NIPBL: variants seen among roughly 807,000 people sequenced by gnomAD.
The protein encoded by NIPBL is NIPBL cohesin loading factor.
A neutral mutation model predicts 321.8 loss-of-function variants in NIPBL; 19 were observed. The observed-to-expected ratio is 0.06, with a 90% confidence interval of 0.04 to 0.09. The LOEUF (loss-of-function observed/expected upper bound fraction) is 0.09. Among genes scored for constraint, NIPBL ranks in the 10% least tolerant of loss-of-function variants. NIPBL has a pLI of 1.00. For missense variants in NIPBL, 2,210 were observed against 3,327.0 expected (o/e 0.66, Z 8.26); for synonymous variants, 1,106 against 1,114.1 (o/e 0.99, Z 0.14).
At chr5:36,911,541 T>G (rs924996114) in intron 1 of NIPBL, among the ~76,000 whole-genome samples, 1 of 152,194 alleles carries the variant, frequency 6.6e-6, no homozygotes, top group African/African-American at 2.4e-5. Flanking sequence ...TTTTCTACAT[T>G]GTACTATAAA....
chr5:36,939,313 T>G (rs1419992993), intron 1 of NIPBL, among the ~76,000 whole-genome samples: 2 of 152,182 alleles, frequency 1.3e-5, no homozygotes, highest in Non-Finnish European at 2.9e-5. Flanking sequence ...CTTGGGAGTT[T>G]TCAGCCCCTG....
At chr5:37,041,290 G>A (rs1752336405) in intron 34 of NIPBL, among the ~76,000 whole-genome samples, 3 of 101,312 alleles carry the variant, frequency 3.0e-5, no homozygotes, top group Non-Finnish European at 5.2e-5. Context: ...TTGAGACTGA[G>A]GCTCACACTG....
intron 21 of NIPBL, among the ~76,000 whole-genome samples, chr5:37,014,088 A>T (rs879341803): frequency 3.3e-5 from 5 of 152,268 alleles, no homozygotes; most frequent in Admixed American, 2.6e-4. Flanking sequence ...CGCTCCTGCA[A>T]TCGCAGCTCT....
chr5:37,000,409 C>T lies in NIPBL; in HGVS notation c.3341C>T (p.Ala1114Val). ...CGACATAAAAAAGATGATGATAAAG[C>T]TTGGGAATATGAAGAGCGTGACAGA... ...RKRHKKDDDK[A>V]WEYEERDRRS... The change falls in exon 12 of 47, where the codon GCT becomes GTT. Residue 1114 changes from alanine to valine, a missense_variant. Ala to Val is a moderately conservative substitution (Grantham distance 64, BLOSUM62 0). Around this residue, in one of 14 missense-constraint regions of NIPBL, gnomAD observed 381 missense variants for 642.3 expected, o/e 0.59. Coordinates refer to ENST00000282516, the MANE Select transcript of NIPBL (RefSeq NM_133433.4). 1 of 1,613,112 alleles carries T rather than the reference C, an allele frequency of 6.2e-7. No homozygotes were observed. Among genetic ancestry groups the T allele is most frequent in the Non-Finnish European group, 8.5e-7 (1 of 1,179,416 alleles).
chr5:36,945,286 G>A (rs1305028647), intron 1 of NIPBL, among the ~76,000 whole-genome samples: 3 of 152,070 alleles, frequency 2.0e-5, no homozygotes, highest in African/African-American at 4.8e-5. Context: ...ACAGGCCTCT[G>A]CAAATCCATT....
At chr5:36,972,688 C>G (rs563987841) in intron 8 of NIPBL, among the ~76,000 whole-genome samples, 1 of 152,256 alleles carries the variant, frequency 6.6e-6, no homozygotes, top group Middle Eastern at 3.4e-3. Context: ...ATGGTTTTCA[C>G]TGTTCTTTCT....
rs1045278315 is a variant in NIPBL at position 36,919,576 on chromosome 5, C to A, written c.-79-34042C>A. On this transcript the variant is annotated intron_variant, in intron 1 of 46. Coordinates refer to ENST00000282516, the MANE Select transcript of NIPBL (RefSeq NM_133433.4). ...CTTGAAAAGCATGATTTTGAACACA[C>A]CCTGTGATGAAGGTTACAATGCTTA... Among the ~76,000 whole-genome samples, 5 of 152,204 alleles carry A rather than the reference C, an allele frequency of 3.3e-5. No homozygotes were observed. In the East Asian group the frequency reaches 9.6e-4, roughly 29 times the overall value.
intron 1 of NIPBL, among the ~76,000 whole-genome samples, chr5:36,901,336 C>T (rs2149534396): frequency 1.3e-5 from 2 of 152,172 alleles, no homozygotes; most frequent in South Asian, 4.1e-4. Context: ...TTTCTTTATC[C>T]AGTCCACTGT....
At chr5:37,045,743 G>T (rs1752909220) in intron 37 of NIPBL, 146 bp downstream of exon 37, 3 of 819,994 alleles carry the variant, frequency 3.7e-6, no homozygotes, top group Non-Finnish European at 5.9e-6. Context: ...CTCAAAACGT[G>T]GTCCTCAGAC....
intron 1 of NIPBL, among the ~76,000 whole-genome samples, chr5:36,915,556 A>G (rs1265902556): frequency 6.6e-6 from 1 of 152,168 alleles, no homozygotes; most frequent in Admixed American, 6.5e-5. Flanking sequence ...TCTCAAAATC[A>G]TACTCTTATG....
intron 10 of NIPBL, among the ~76,000 whole-genome samples, chr5:36,987,219 G>GA (rs1410834406): frequency 6.6e-6 from 1 of 152,058 alleles, no homozygotes; most frequent in Non-Finnish European, 1.5e-5. Flanking sequence ...CAATAGAACT[G>GA]AGAGTTTATT....
chr5:37,049,148 G>A lies in NIPBL; in HGVS notation c.6801G>A (p.Met2267Ile). The change falls in exon 40 of 47, where the codon ATG becomes ATA. Residue 2267 changes from methionine to isoleucine, a missense_variant. Met to Ile is a conservative substitution (Grantham distance 10). Transcript: ENST00000282516. ...KVAKQEDLKE[M>I]GDVSSGMSSS... is the part of the protein sequence containing the mutation. ...CAAAACAGGAAGACTTAAAAGAAAT[G>A]GGTGATGTTTCCTCAGGGATGAGTA... 2 of 1,614,132 alleles carry A rather than the reference G, an allele frequency of 1.2e-6. No individual in the cohort carries two copies. The highest frequency in any genetic ancestry group is 1.7e-6 in the Non-Finnish European group (2 of 1,180,006).
intron 27 of NIPBL, 53 bp downstream of exon 27, chr5:37,020,930 A>T: frequency 8.5e-7 from 1 of 1,178,102 alleles, no homozygotes; most frequent in Admixed American, 1.7e-5. Context: ...CTGATTCTGG[A>T]TGCTTGTGAG....
chr5:36,972,835 C>T (rs935082731), intron 8 of NIPBL, among the ~76,000 whole-genome samples: 9 of 152,140 alleles, frequency 5.9e-5, no homozygotes, highest in Admixed American at 3.9e-4. Context: ...AAATCTCTCA[C>T]GTCTACTTTT....
intron 33 of NIPBL, among the ~76,000 whole-genome samples, chr5:37,037,940 C>G (rs536479994): frequency 1.1e-4 from 16 of 150,264 alleles, no homozygotes; most frequent in African/African-American, 3.9e-4. Flanking sequence ...CCCTTAAACA[C>G]AGTTTCACCT....
chr5:37,033,730 A>ATATATTTTT (rs775482943), intron 32 of NIPBL, among the ~76,000 whole-genome samples: 2 of 21,508 alleles, frequency 9.3e-5, no homozygotes, highest in African/African-American at 4.1e-4. Flanking sequence ...ATATATATAT[A>ATATATTTTT]TTTTTTTTTT....
At chr5:37,042,172 C>A (rs563929803) in intron 34 of NIPBL, among the ~76,000 whole-genome samples, 1 of 152,078 alleles carries the variant, frequency 6.6e-6, no homozygotes, top group Non-Finnish European at 1.5e-5. Context: ...CACGGTGGCT[C>A]ACGCCTGTAA....
intron 44 of NIPBL, 48 bp from the exon 45 acceptor site, chr5:37,060,795 AC>A: frequency 1.3e-6 from 2 of 1,506,674 alleles, no homozygotes; most frequent in Non-Finnish European, 1.8e-6. Context: ...TTCTCCAAAT[AC>A]GTTGTTTCCA....
chr5:36,929,831 C>T (rs1485354683), intron 1 of NIPBL, among the ~76,000 whole-genome samples: 1 of 151,914 alleles, frequency 6.6e-6, no homozygotes. Flanking sequence ...CATTTGTTGA[C>T]AAGACTGTCT....
Sources: gnomAD v4.1 joint callset for allele counts (sites outside exome capture counted in the v4.1 genomes callset) on GRCh38, gnomAD v4.1.1 for gene constraint, gnomAD v4.1.1 regional missense constraint, MANE v1.5 for transcripts, NCBI Gene and HGNC (gene_info 2026-07-23, HGNC 2026-07-21) for gene names.